ACOT13: variants seen among roughly 807,000 people sequenced by gnomAD.
ACOT13 encodes the protein acyl-coenzyme A thioesterase 13.
A neutral mutation model predicts 11.8 loss-of-function variants in ACOT13; 10 were observed. The observed-to-expected ratio is 0.85, with a 90% confidence interval of 0.53 to 1.44. The LOEUF (loss-of-function observed/expected upper bound fraction) is 1.44, where lower values mean the gene tolerates loss of function less well. Ranked by LOEUF, ACOT13 falls within the 40% of genes most tolerant of loss-of-function variation. ACOT13 has a pLI of 0.00. For synonymous variants in ACOT13, 53 were observed against 61.0 expected (o/e 0.87, Z 0.61); for missense variants, 172 against 174.1 (o/e 0.99, Z 0.07).
chr6:24,690,527 A>G (rs1283566376), intron 1 of ACOT13, among the ~76,000 whole-genome samples: 1 of 152,220 alleles, frequency 6.6e-6, no homozygotes, highest in Non-Finnish European at 1.5e-5. Flanking sequence ...GAAGAAAAAT[A>G]TAGTGATTTC....
At position 24,701,620 on chromosome 6, in the gene ACOT13, ACAG is replaced by A. The variant is rs1484127190; in HGVS notation, c.*9_*11del. 3 of 1,606,228 alleles carry A rather than the reference ACAG, an allele frequency of 1.9e-6. No individual in the cohort carries two copies. The highest frequency in any genetic ancestry group is 2.7e-5 in the African/African-American group (2 of 74,538). On this transcript the variant is annotated 3_prime_UTR_variant, in exon 3 of 3. Coordinates refer to ENST00000230048, the MANE Select transcript of ACOT13 (RefSeq NM_018473.4). ...ACAAAACACCTGGGAAACTGAGAGA[ACAG>A]CAGAATGACCTAAAGAAACCCAACA...
chr6:24,695,787 C>G (rs894815639), intron 1 of ACOT13, among the ~76,000 whole-genome samples: 3 of 152,078 alleles, frequency 2.0e-5, no homozygotes, highest in African/African-American at 2.4e-5. Flanking sequence ...CGATCATAGG[C>G]CAGGCGCGGT....
In ACOT13 at chr6:24,701,498, T is replaced by A. The variant is rs775394166; in HGVS notation, c.306T>A (p.Ile102=). Residue 102 remains isoleucine (I), a synonymous_variant, in exon 3 of 3, where the codon ATT becomes ATA. Coordinates refer to ENST00000230048, the MANE Select transcript of ACOT13 (RefSeq NM_018473.4). ...SPAKLGEDIV[I]TAHVLKQGKT... ...CAAAATTAGGAGAAGATATAGTGAT[T>A]ACAGCACATGTTCTGAAGCAAGGAA... 12 of 1,613,664 alleles carry A rather than the reference T, an allele frequency of 7.4e-6. No homozygotes were observed. The highest frequency in any genetic ancestry group is 9.3e-6 in the Non-Finnish European group (11 of 1,179,804).
intron 1 of ACOT13, among the ~76,000 whole-genome samples, chr6:24,686,605 C>CT (rs1562159698): frequency 1.4e-5 from 2 of 144,392 alleles, no homozygotes; most frequent in African/African-American, 5.1e-5. Context: ...TCCTTTCTTT[C>CT]TTTTCTTCCT....
Position 24,703,444 on chromosome 6 carries a change from C to G in ACOT13, c.*1829C>G, listed in dbSNP as rs1778929591. ...GGGCTCCTTGGAGAAACAGCTGACT[C>G]CAGGGCTTGAGGCTGGGACAGAAAG... On this transcript the variant is annotated 3_prime_UTR_variant, in exon 3 of 3. Transcript: ENST00000230048. 6.6e-6 allele frequency: 1 copy of G among 152,304 alleles called. No individual in the cohort carries two copies. Among genetic ancestry groups the G allele is most frequent in the Admixed American group, 6.5e-5 (1 of 15,276 alleles). The allele number at this position is 152,304 out of a possible 1,614,324, so 9.4% of individuals were successfully genotyped here. A position where few individuals can be genotyped will look rare whatever the true frequency, so the allele number is the denominator to read the frequency against.
In ACOT13 at chr6:24,704,360, A is replaced by T. The variant is rs1778954069; in HGVS notation, c.*2745A>T. Reference sequence around the variant, plus strand: ...AAAAACGTAAACAATGGCTGCCAAAATGCCTAACTTGGTGAACATAAGTGT... The same window carrying T: ...AAAAACGTAAACAATGGCTGCCAAATTGCCTAACTTGGTGAACATAAGTGT... On this transcript the variant is annotated 3_prime_UTR_variant, in exon 3 of 3. Transcript: ENST00000230048. 1 of 152,254 alleles carries T rather than the reference A, an allele frequency of 6.6e-6. No individual in the cohort carries two copies. The highest frequency in any genetic ancestry group is 2.4e-5 in the African/African-American group (1 of 41,464). The allele number at this position is 152,254 out of a possible 1,614,324, so 9.4% of individuals were successfully genotyped here. A position where few individuals can be genotyped will look rare whatever the true frequency, so the allele number is the denominator to read the frequency against.
rs373077414 is a variant in ACOT13, at chr6:24,698,074, A to T, written c.266+7A>T. On this transcript the variant is annotated splice_region_variant and intron_variant, in intron 2 of 2. Transcript: ENST00000230048. ...GTGTCGATATGAACATAACGTATGT[A>T]TCCAAACTGTATTCCAAATCCCTTC... 2 of 1,584,044 alleles carry T rather than the reference A, an allele frequency of 1.3e-6. No homozygotes were observed. The highest frequency in any genetic ancestry group is 2.7e-5 in the African/African-American group (2 of 73,918).
Position 24,700,524 on chromosome 6 carries a change from C to T in ACOT13, c.267-935C>T, listed in dbSNP as rs368312719. On this transcript the variant is annotated intron_variant, in intron 2 of 2. Transcript: ENST00000230048. ...GATCTCGGCTCACTGCAACCTCTGC[C>T]TCCTGGGTTCCTGCCATTCTTCTGC... is the stretch of plus-strand genomic sequence containing the variant. Among the ~76,000 whole-genome samples the T allele has an allele frequency of 4.6e-4, 69 of 149,672 alleles. No homozygotes were observed. The South Asian group carries it at 0.014, about 29-fold the overall frequency.
At chr6:24,676,089 G>GT (rs1444794873) in intron 1 of ACOT13, among the ~76,000 whole-genome samples, 1 of 152,310 alleles carries the variant, frequency 6.6e-6, no homozygotes, top group East Asian at 1.9e-4. Context: ...CTATATCTCT[G>GT]TTTTGGTACC....
At chr6:24,700,633 A>C (rs1442341842) in intron 2 of ACOT13, among the ~76,000 whole-genome samples, 1 of 151,774 alleles carries the variant, frequency 6.6e-6, no homozygotes, top group African/African-American at 2.4e-5. Context: ...ACGGGGTTTC[A>C]CCACGTTGGC....
At chr6:24,669,300 G>A (rs562614067) in intron 1 of ACOT13, among the ~76,000 whole-genome samples, 4 of 152,146 alleles carry the variant, frequency 2.6e-5, no homozygotes, top group Admixed American at 6.5e-5. Flanking sequence ...TCGGAAAGGC[G>A]GGACAACTTG....
chr6:24,691,464 T>C (rs1778716564), intron 1 of ACOT13, among the ~76,000 whole-genome samples: 1 of 152,156 alleles, frequency 6.6e-6, no homozygotes, highest in Non-Finnish European at 1.5e-5. Context: ...GTATGTTAGA[T>C]GGTGATAATT....
At chr6:24,699,335 G>A (rs905837329) in intron 2 of ACOT13, among the ~76,000 whole-genome samples, 7 of 148,748 alleles carry the variant, frequency 4.7e-5, no homozygotes, top group African/African-American at 1.5e-4. Flanking sequence ...TCAGCCTCCC[G>A]AGTAGCTGGG....
intron 1 of ACOT13, among the ~76,000 whole-genome samples, chr6:24,686,562 T>C (rs1025266330): frequency 1.3e-5 from 2 of 151,936 alleles, no homozygotes; most frequent in African/African-American, 4.8e-5. Flanking sequence ...CTATTTTATT[T>C]TATTCTATTC....
intron 2 of ACOT13, chr6:24,701,226 G>A: frequency 3.1e-6 from 1 of 326,236 alleles, no homozygotes; most frequent in Non-Finnish European, 5.5e-6. Context: ...GGGGAGGCAA[G>A]AAAACCTCTT....
rs78198796 is a variant in ACOT13, at chr6:24,683,630, A to T, written c.82-14253A>T. 2.7e-5 allele frequency among the ~76,000 whole-genome samples: 4 copies of T among 149,472 alleles called. No individual in the cohort carries two copies. In the East Asian group the frequency reaches 8.0e-4, roughly 30 times the overall value. On this transcript the variant is annotated intron_variant, in intron 1 of 2. Transcript: ENST00000230048. ...AGCTTGGTTTTATACATTTTAGGAG[A>T]CATGAAACATCAGTCAATATATATA...
At chr6:24,699,295 C>A (rs1445336031) in intron 2 of ACOT13, among the ~76,000 whole-genome samples, 1 of 151,028 alleles carries the variant, frequency 6.6e-6, no homozygotes, top group South Asian at 2.1e-4. Context: ...CTGCAAGCTC[C>A]GCCTCCCGGG....
At chr6:24,674,223 C>T (rs1778408613) in intron 1 of ACOT13, among the ~76,000 whole-genome samples, 1 of 152,062 alleles carries the variant, frequency 6.6e-6, no homozygotes, top group Admixed American at 6.6e-5. Context: ...CAATGCCCAA[C>T]TAATTTTATA....
chr6:24,694,353 G>T (rs547375664), intron 1 of ACOT13, among the ~76,000 whole-genome samples: 2 of 152,240 alleles, frequency 1.3e-5, no homozygotes, highest in Non-Finnish European at 2.9e-5. Flanking sequence ...AGCAGTCCAG[G>T]TGATATTTGA....
Sources: allele counts gnomAD v4.1 joint callset (sites outside exome capture counted in the v4.1 genomes callset), GRCh38; gene constraint gnomAD v4.1.1; transcripts MANE v1.5; gene names NCBI Gene and HGNC (gene_info 2026-07-23, HGNC 2026-07-21).